PTPN21: variants seen among roughly 807,000 people sequenced by gnomAD.
PTPN21 encodes protein tyrosine phosphatase non-receptor type 21.
PTPN21 carries 77 observed loss-of-function variants against 131.8 expected under a neutral mutation model. The observed-to-expected ratio is 0.58, with a 90% confidence interval of 0.49 to 0.71. PTPN21 has a LOEUF of 0.71. Ranked by LOEUF, PTPN21 falls within the 30% of genes least tolerant of loss-of-function variation. The probability of loss-of-function intolerance (pLI) is 0.00; values close to 1 mark genes in which losing one functional copy is unlikely to be tolerated. For missense variants in PTPN21, 1,552 were observed against 1,527.1 expected, an observed-to-expected ratio of 1.02 and a Z score of -0.27; for synonymous variants, 715 against 621.3, an observed-to-expected ratio of 1.15 and a Z score of -2.24.
chr14:88,511,027 C>T (rs1595383802), intron 3 of PTPN21, among the ~76,000 whole-genome samples: 1 of 151,926 alleles, frequency 6.6e-6, no homozygotes, highest in Non-Finnish European at 1.5e-5. Flanking sequence ...ATCCTTGAGC[C>T]TCAGCCTCCT....
chr14:88,480,266 T>C lies in PTPN21; in HGVS notation c.1165A>G (p.Ile389Val). Residue 389 changes from isoleucine (I) to valine (V), a missense_variant, in exon 13 of 19, where the codon ATC becomes GTC. Physicochemically the swap from Ile to Val is conservative, Grantham distance 29 (BLOSUM62 3). Transcript: ENST00000556564. ...DRAQIDLNGR[I>V]RNGSVYSAHS... ...GCACTGTAGACACTGCCATTACGGA[T>C]CCGACCGTTGAGGTCAATCTGGGCT... 2 of 1,614,132 alleles carry C rather than the reference T, an allele frequency of 1.2e-6. No individual in the cohort carries two copies. The highest frequency in any genetic ancestry group is 1.7e-6 in the Non-Finnish European group (2 of 1,179,978).
rs561847098 is a variant in PTPN21, at chr14:88,554,230, G to A, written c.-203+421C>T. ...CACAAGTCGGAATTTGCAGATCCAA[G>A]AATTCTTGTTTCCAGAGTAAATACT... On this transcript the variant is annotated intron_variant, in intron 1 of 18. Coordinates refer to ENST00000556564, the MANE Select transcript of PTPN21 (RefSeq NM_007039.4). Among the ~76,000 whole-genome samples, 4 of 152,294 alleles carry A rather than the reference G, an allele frequency of 2.6e-5. No homozygotes were observed. In the South Asian group the frequency reaches 8.3e-4, roughly 32 times the overall value.
At chr14:88,549,925 A>G (rs2078836632) in intron 2 of PTPN21, among the ~76,000 whole-genome samples, 1 of 151,790 alleles carries the variant, frequency 6.6e-6, no homozygotes, top group Non-Finnish European at 1.5e-5. Flanking sequence ...ACCACACCCT[A>G]CAGGCGCCCA....
At chr14:88,528,568 TGTGGGAGGGACCTG>T (rs1334223854) in intron 2 of PTPN21, among the ~76,000 whole-genome samples, 2 of 152,246 alleles carry the variant, frequency 1.3e-5, no homozygotes, top group African/African-American at 4.8e-5. Flanking sequence ...ATTCCCACGT[TGTGGGAGGGACCTG>T]GTGGGAGGTA....
At chr14:88,497,960 G>A (rs2077948185) in intron 8 of PTPN21, among the ~76,000 whole-genome samples, 1 of 152,040 alleles carries the variant, frequency 6.6e-6, no homozygotes, top group Admixed American at 6.6e-5. Flanking sequence ...AATTAGCTGG[G>A]CATGGTGGTG....
At chr14:88,513,251 G>A (rs1414312918) in intron 3 of PTPN21, among the ~76,000 whole-genome samples, 2 of 152,110 alleles carry the variant, frequency 1.3e-5, no homozygotes, top group Non-Finnish European at 2.9e-5. Flanking sequence ...TGCAACCTCC[G>A]CCTCCCAGGT....
intron 6 of PTPN21, 118 bp downstream of exon 6, chr14:88,504,307 T>C: frequency 1.2e-6 from 1 of 824,550 alleles, no homozygotes; most frequent in South Asian, 1.7e-5. Context: ...GCAGTAATGT[T>C]CCAAATTTAG....
chr14:88,525,603 G>C (rs749767807), intron 2 of PTPN21, among the ~76,000 whole-genome samples: 3 of 152,166 alleles, frequency 2.0e-5, no homozygotes, highest in African/African-American at 4.8e-5. Flanking sequence ...ATTGCTAGTA[G>C]AAGCAGAAAA....
rs1187812766 is a variant in PTPN21, at chr14:88,466,331, A to T, written c.*1806T>A. On this transcript the variant is annotated 3_prime_UTR_variant, in exon 19 of 19. Coordinates refer to ENST00000556564, the MANE Select transcript of PTPN21 (RefSeq NM_007039.4). ...ATGAGAAGTGTGCGTACTTTCAATT[A>T]GTTTTCATTAATATCTTCTGAGTTT... The T allele has an allele frequency of 6.6e-6, 1 of 152,156 alleles. No individual in the cohort carries two copies. The highest frequency in any genetic ancestry group is 1.5e-5 in the Non-Finnish European group (1 of 68,022). 9.4% of individuals were successfully genotyped at this position (152,156 alleles called of 1,614,324 possible). A position where few individuals can be genotyped will look rare whatever the true frequency, so the allele number is the denominator to read the frequency against.
chr14:88,547,634 T>C (rs748232255), intron 2 of PTPN21: 3 of 455,472 alleles, frequency 6.6e-6, no homozygotes, highest in East Asian at 1.4e-4. Flanking sequence ...GCCTGGGTGA[T>C]GGAGTGAGAC....
In PTPN21 at chr14:88,467,994, G is replaced by T; in HGVS notation, c.*143C>A. ...GTGCTTCGCACGTTTCCTTCAGCGT[G>T]CCGCCATTCAGACTGCGCCACTTAC... On this transcript the variant is annotated 3_prime_UTR_variant, in exon 19 of 19. Coordinates refer to ENST00000556564, the MANE Select transcript of PTPN21 (RefSeq NM_007039.4). The T allele has an allele frequency of 4.8e-6, 5 of 1,039,458 alleles. No homozygotes were observed. The highest frequency in any genetic ancestry group is 7.3e-6 in the Non-Finnish European group (5 of 686,578). The allele number at this position is 1,039,458 out of a possible 1,614,324, so 64.4% of individuals were successfully genotyped here.
Position 88,468,020 on chromosome 14 carries a change from G to A in PTPN21, c.*117C>T, listed in dbSNP as rs563024665. On this transcript the variant is annotated 3_prime_UTR_variant, in exon 19 of 19. Coordinates refer to ENST00000556564, the MANE Select transcript of PTPN21 (RefSeq NM_007039.4). ...CCGCCATTCAGACTGCGCCACTTACGTCCCAGTGCCACGCTGCGTGGATCA... is the reference window on the plus strand; with the variant it reads ...CCGCCATTCAGACTGCGCCACTTACATCCCAGTGCCACGCTGCGTGGATCA... 1.3e-5 allele frequency: 17 copies of A among 1,305,300 alleles called. No homozygotes were observed. Among genetic ancestry groups the A allele is most frequent in the Admixed American group, 8.1e-5 (4 of 49,516 alleles). The allele number at this position is 1,305,300 out of a possible 1,614,324, so 80.9% of individuals were successfully genotyped here.
At chr14:88,506,663 A>G (rs1384077764) in intron 4 of PTPN21, among the ~76,000 whole-genome samples, 1 of 152,138 alleles carries the variant, frequency 6.6e-6, no homozygotes, top group Non-Finnish European at 1.5e-5. Context: ...GGGGTGAGGG[A>G]TAAAAGTCTA....
intron 15 of PTPN21, chr14:88,470,370 G>C: frequency 3.5e-6 from 1 of 287,588 alleles, no homozygotes; most frequent in South Asian, 4.7e-5. Flanking sequence ...TGTGAGGACT[G>C]AGTCAGTATC....
At chr14:88,499,026 G>C (rs1289354712) in intron 8 of PTPN21, among the ~76,000 whole-genome samples, 1 of 152,170 alleles carries the variant, frequency 6.6e-6, no homozygotes, top group African/African-American at 2.4e-5. Context: ...CAGTGATAAA[G>C]GAAGCCAGGT....
intron 2 of PTPN21, among the ~76,000 whole-genome samples, chr14:88,535,855 A>G (rs1311623119): frequency 6.6e-6 from 1 of 152,174 alleles, no homozygotes; most frequent in Non-Finnish European, 1.5e-5. Context: ...AGAAGCACAC[A>G]TCCTCTCTTC....
chr14:88,520,314 G>T (rs2078369725), intron 2 of PTPN21, among the ~76,000 whole-genome samples: 2 of 151,966 alleles, frequency 1.3e-5, no homozygotes. Context: ...CTACTTGGCA[G>T]GCTGATCACT....
intron 12 of PTPN21, among the ~76,000 whole-genome samples, chr14:88,480,707 T>G (rs1268157275): frequency 2.0e-5 from 3 of 152,214 alleles, no homozygotes. Flanking sequence ...CTTTCTTCCC[T>G]GGGTAGGGAT....
At chr14:88,518,318 ACGTATATATACACATATATG>A (rs1447458718) in intron 2 of PTPN21, among the ~76,000 whole-genome samples, 4 of 110,940 alleles carry the variant, frequency 3.6e-5, no homozygotes, top group Non-Finnish European at 7.3e-5. Flanking sequence ...GTGTATATAT[ACGTATATATACACATATATG>A]TGTATAAGTG....
Sources: gnomAD v4.1 joint callset for allele counts (sites outside exome capture counted in the v4.1 genomes callset) on GRCh38, gnomAD v4.1.1 for gene constraint, MANE v1.5 for transcripts, NCBI Gene and HGNC (gene_info 2026-07-23, HGNC 2026-07-21) for gene names.